The following CALN1 variants were observed in gnomAD, a reference collection of about 807,000 sequenced individuals.
The protein encoded by CALN1 is calcium-binding protein 8.
Under a neutral mutation model 30.6 loss-of-function variants are expected in CALN1, and 17 were observed. The ratio of observed to expected loss-of-function variants is 0.56; its 90% CI spans 0.38 to 0.83. CALN1 has a LOEUF of 0.83. CALN1 is among the 40% of genes least tolerant of loss of function. The pLI, the probability that CALN1 is intolerant of heterozygous loss-of-function variation, is 0.00. For synonymous variants in CALN1, 156 were observed against 131.4 expected (o/e 1.19, Z -1.28); for missense variants, 291 against 354.9 (o/e 0.82, Z 1.45).
At chr7:71,819,202 A>G (rs543619472) in intron 5 of CALN1, among the ~76,000 whole-genome samples, 3 of 144,418 alleles carry the variant, frequency 2.1e-5, no homozygotes, top group Admixed American at 6.9e-5. Context: ...AAAATTTACT[A>G]TTTTATTCTT....
intron 3 of CALN1, among the ~76,000 whole-genome samples, chr7:72,263,384 ATTTTATTTTATT>A (rs1041449435): frequency 4.6e-5 from 7 of 151,910 alleles, no homozygotes; most frequent in African/African-American, 1.2e-4. Flanking sequence ...ATGCATTTTT[ATTTTATTTTATT>A]TTTTATTTTA....
intron 3 of CALN1, among the ~76,000 whole-genome samples, chr7:72,276,624 T>C (rs1466119889): frequency 6.6e-6 from 1 of 152,036 alleles, no homozygotes; most frequent in Non-Finnish European, 1.5e-5. Flanking sequence ...TTAATGTCAT[T>C]ATCTCGGGGG....
chr7:71,800,987 C>T (rs763479310), intron 6 of CALN1, among the ~76,000 whole-genome samples: 1 of 152,012 alleles, frequency 6.6e-6, no homozygotes, highest in African/African-American at 2.4e-5. Flanking sequence ...TGACAGGCCC[C>T]GGTGTGTGAT....
At chr7:72,054,385 T>C (rs577061163) in intron 4 of CALN1, among the ~76,000 whole-genome samples, 1 of 143,470 alleles carries the variant, frequency 7.0e-6, no homozygotes, top group East Asian at 2.1e-4. Flanking sequence ...TGTATGCTTG[T>C]TGGCTGCATA....
At chr7:72,271,029 T>C (rs927425419) in intron 3 of CALN1, among the ~76,000 whole-genome samples, 3 of 152,180 alleles carry the variant, frequency 2.0e-5, no homozygotes, top group Non-Finnish European at 2.9e-5. Flanking sequence ...CTAAAGATTG[T>C]ATGTAAGGAC....
At chr7:72,444,217 G>C (rs1808451803) in intron 1 of CALN1, among the ~76,000 whole-genome samples, 1 of 151,830 alleles carries the variant, frequency 6.6e-6, no homozygotes, top group South Asian at 2.1e-4. Context: ...GCATGAAAAA[G>C]AGGAAGTAGC....
At chr7:72,488,917 CT>C in the CALN1 span, among the ~76,000 whole-genome samples, 1 of 152,176 alleles carries the variant, frequency 6.6e-6, no homozygotes, top group Non-Finnish European at 1.5e-5. Context: ...TTCTTAAAAA[CT>C]GATCCTTATT....
chr7:72,488,349 C>T, the CALN1 span, among the ~76,000 whole-genome samples: 63 of 151,298 alleles, frequency 4.2e-4, no homozygotes, highest in African/African-American at 1.4e-3. Flanking sequence ...CCAGCCTGGG[C>T]AATAGAGCAA....
At chr7:72,442,888 T>G (rs1448422800) in intron 1 of CALN1, among the ~76,000 whole-genome samples, 1 of 152,074 alleles carries the variant, frequency 6.6e-6, no homozygotes, top group Non-Finnish European at 1.5e-5. Context: ...TGCACTTTAT[T>G]AAGGGTTGTG....
chr7:72,239,809 C>G (rs1336570485), intron 3 of CALN1, among the ~76,000 whole-genome samples: 2 of 152,164 alleles, frequency 1.3e-5, no homozygotes, highest in African/African-American at 4.8e-5. Context: ...CCACTTAGTA[C>G]ACAATGCACA....
intron 5 of CALN1, among the ~76,000 whole-genome samples, chr7:71,988,649 T>G (rs1437742933): frequency 1.3e-5 from 2 of 152,004 alleles, no homozygotes; most frequent in Non-Finnish European, 2.9e-5. Context: ...TTAGGAGAAG[T>G]CTCCACGTAT....
chr7:71,896,352 C>T (rs1392674550), intron 5 of CALN1, among the ~76,000 whole-genome samples: 1 of 152,030 alleles, frequency 6.6e-6, no homozygotes, highest in East Asian at 1.9e-4. Context: ...CAGTGTGTCT[C>T]TAGAGAACTT....
At chr7:71,888,913 C>A (rs1793076033) in intron 5 of CALN1, among the ~76,000 whole-genome samples, 1 of 152,184 alleles carries the variant, frequency 6.6e-6, no homozygotes, top group Non-Finnish European at 1.5e-5. Context: ...CAATGTTCAC[C>A]TTCGATGTTC....
chr7:72,200,631 T>C (rs925774411), intron 3 of CALN1, among the ~76,000 whole-genome samples: 1 of 151,888 alleles, frequency 6.6e-6, no homozygotes, highest in Non-Finnish European at 1.5e-5. Context: ...GTTCTACCAG[T>C]GCACCATGCT....
chr7:71,864,524 C>T (rs1791477692), intron 5 of CALN1, among the ~76,000 whole-genome samples: 1 of 152,172 alleles, frequency 6.6e-6, no homozygotes, highest in African/African-American at 2.4e-5. Flanking sequence ...TAGAACGAAC[C>T]TGGACTAGAA....
intron 2 of CALN1, among the ~76,000 whole-genome samples, chr7:72,381,547 C>T (rs924826928): frequency 2.6e-5 from 4 of 152,124 alleles, no homozygotes; most frequent in South Asian, 2.1e-4. Flanking sequence ...ATGAGTCCTT[C>T]GCAGGGGCAT....
At chr7:72,435,268 G>A (rs1044699211) in intron 1 of CALN1, among the ~76,000 whole-genome samples, 1 of 151,558 alleles carries the variant, frequency 6.6e-6, no homozygotes, top group Admixed American at 6.6e-5. Flanking sequence ...AGAAAAGAAA[G>A]GGAAGGGAAG....
chr7:72,369,482 C>A (rs1804092591), intron 2 of CALN1, among the ~76,000 whole-genome samples: 1 of 151,808 alleles, frequency 6.6e-6, no homozygotes, highest in Admixed American at 6.6e-5. Flanking sequence ...CTGCCTCAGC[C>A]TCCCGAGTAG....
At chr7:71,864,572 C>T (rs186772548) in intron 5 of CALN1, among the ~76,000 whole-genome samples, 9 of 152,326 alleles carry the variant, frequency 5.9e-5, no homozygotes, top group Admixed American at 3.9e-4. Flanking sequence ...GTAGCTAACA[C>T]CTTGACTGCA....
Sources: allele counts gnomAD v4.1 joint callset (sites outside exome capture counted in the v4.1 genomes callset), GRCh38; gene constraint gnomAD v4.1.1; transcripts MANE v1.5; gene names NCBI Gene and HGNC (gene_info 2026-07-23, HGNC 2026-07-21).